The following ILRUN variants were observed in gnomAD, a reference collection of about 807,000 sequenced individuals.
ILRUN encodes the protein protein ILRUN.
ILRUN carries 3 observed loss-of-function variants against 33.8 expected under a neutral mutation model. The ratio of observed to expected loss-of-function variants is 0.09; its 90% confidence interval spans 0.04 to 0.23. ILRUN has a LOEUF of 0.23. Among genes scored for constraint, ILRUN ranks in the 10% least tolerant of loss-of-function variants. The pLI, the probability that ILRUN is intolerant of heterozygous loss-of-function variation, is 1.00. For synonymous variants in ILRUN, 124 were observed against 138.9 expected, an observed-to-expected ratio of 0.89 and a Z score of 0.75; for missense variants, 210 against 375.1, an observed-to-expected ratio of 0.56 and a Z score of 3.64.
chr6:34,645,788 T>C (rs1245490208), intron 3 of ILRUN, among the ~76,000 whole-genome samples: 2 of 152,180 alleles, frequency 1.3e-5, no homozygotes, highest in Non-Finnish European at 2.9e-5. Context: ...TCACCGTGTA[T>C]GGTATACTGG....
intron 3 of ILRUN, among the ~76,000 whole-genome samples, chr6:34,628,214 T>G (rs1016112268): frequency 1.3e-5 from 2 of 151,180 alleles, no homozygotes; most frequent in African/African-American, 4.9e-5. Context: ...AGAGACGAGG[T>G]TTCACCATGT....
chr6:34,588,151 T>G lies in ILRUN; in HGVS notation c.*2414A>C. 4 of 398,894 alleles carry G rather than the reference T, an allele frequency of 1.0e-5. No homozygotes were observed. The highest frequency in any genetic ancestry group is 6.3e-4 in the Middle Eastern group (1 of 1,590). 24.7% of individuals were successfully genotyped at this position (398,894 alleles called of 1,614,324 possible). A position where few individuals can be genotyped will look rare whatever the true frequency, so the allele number is the denominator to read the frequency against. Reference sequence around the variant, plus strand: ...CATGGACCCCTCTGCCTGCACTCCATGACTTGCACTTACTCTGGCCCTCTG... The same window carrying G: ...CATGGACCCCTCTGCCTGCACTCCAGGACTTGCACTTACTCTGGCCCTCTG... On this transcript the variant is annotated 3_prime_UTR_variant, in exon 5 of 5. Transcript: ENST00000374023.
chr6:34,691,947 C>T (rs1763658824), intron 1 of ILRUN, among the ~76,000 whole-genome samples: 1 of 152,114 alleles, frequency 6.6e-6, no homozygotes, highest in Non-Finnish European at 1.5e-5. Flanking sequence ...AAAGCATAAC[C>T]TTTCCAACTC....
chr6:34,679,505 T>C (rs1414105175), intron 1 of ILRUN, among the ~76,000 whole-genome samples: 1 of 152,168 alleles, frequency 6.6e-6, no homozygotes, highest in East Asian at 1.9e-4. Context: ...ACAATCTAGA[T>C]ATCCAACAAA....
chr6:34,592,543 A>G lies in ILRUN; in HGVS notation c.862-1943T>C, dbSNP rs1004608590. On this transcript the variant is annotated intron_variant, in intron 4 of 4. Coordinates refer to ENST00000374023, the MANE Select transcript of ILRUN (RefSeq NM_024294.4). The surrounding 1 kb of genome is among the most constrained non-coding windows in gnomAD (Gnocchi z 4.0). ...GGGGTCCCATACATCAGAGGTATCA[A>G]GTTCACGCAAAAGTAATTGCAGTTT... 3.3e-4 allele frequency among the ~76,000 whole-genome samples: 50 copies of G among 152,370 alleles called. No individual in the cohort carries two copies. Among genetic ancestry groups the G allele is most frequent in the African/African-American group, 9.1e-4 (38 of 41,586 alleles).
rs192104048 is a variant in ILRUN, at chr6:34,612,866, C to A, written c.512-5962G>T. Reference sequence around the variant, plus strand: ...GACCATCCTGGCTAACACGGTGAAACCCCATCTCTACTAAAAATACAAAAA... The same window carrying A: ...GACCATCCTGGCTAACACGGTGAAAACCCATCTCTACTAAAAATACAAAAA... On this transcript the variant is annotated intron_variant, in intron 3 of 4. Coordinates refer to ENST00000374023, the MANE Select transcript of ILRUN (RefSeq NM_024294.4). 5.6e-3 allele frequency among the ~76,000 whole-genome samples: 859 copies of A among 152,202 alleles called. 4 individuals carry two copies. Among genetic ancestry groups the A allele is most frequent in the Non-Finnish European group, 7.5e-3 (511 of 68,000 alleles).
intron 3 of ILRUN, among the ~76,000 whole-genome samples, chr6:34,614,837 G>A (rs1029367433): frequency 1.3e-5 from 2 of 152,048 alleles, no homozygotes; most frequent in African/African-American, 4.8e-5. Flanking sequence ...TACCTCTGTG[G>A]TATTCTTTCT....
At chr6:34,662,124 CAA>C (rs57423564) in intron 1 of ILRUN, among the ~76,000 whole-genome samples, 28 of 39,986 alleles carry the variant, frequency 7.0e-4, no homozygotes, top group South Asian at 2.5e-3. Flanking sequence ...GACTCCGTCT[CAA>C]AAAAAAAAAA....
intron 1 of ILRUN, among the ~76,000 whole-genome samples, chr6:34,685,149 G>A (rs765192383): frequency 6.6e-6 from 1 of 152,074 alleles, no homozygotes; most frequent in Non-Finnish European, 1.5e-5. Flanking sequence ...GAAAAAAAGA[G>A]ACATTTGGGA....
At position 34,673,163 on chromosome 6, in the gene ILRUN, G is replaced by A. The variant is rs574819733; in HGVS notation, c.159-18384C>T. Reference sequence around the variant, plus strand: ...ATCAAGGTAAGAAAAATTTCAGAATGCAAAAGTTTCAAATTTTATCTCTCT... The same window carrying A: ...ATCAAGGTAAGAAAAATTTCAGAATACAAAAGTTTCAAATTTTATCTCTCT... On this transcript the variant is annotated intron_variant, in intron 1 of 4. Transcript: ENST00000374023. 7.2e-5 allele frequency among the ~76,000 whole-genome samples: 11 copies of A among 152,220 alleles called. No homozygotes were observed. The East Asian group carries it at 2.1e-3, about 29-fold the overall frequency.
intron 3 of ILRUN, among the ~76,000 whole-genome samples, chr6:34,614,545 A>G (rs941921184): frequency 6.7e-5 from 10 of 148,716 alleles, no homozygotes; most frequent in Admixed American, 4.0e-4. Flanking sequence ...TGCTATACAT[A>G]TAAGTGGGAG....
At chr6:34,634,577 AGAG>A (rs1389255347) in intron 3 of ILRUN, among the ~76,000 whole-genome samples, 1 of 152,146 alleles carries the variant, frequency 6.6e-6, no homozygotes, top group Non-Finnish European at 1.5e-5. Flanking sequence ...AGAAAGAAAA[AGAG>A]AAGAGACACA....
At chr6:34,678,718 G>A (rs894152777) in intron 1 of ILRUN, among the ~76,000 whole-genome samples, 1 of 151,286 alleles carries the variant, frequency 6.6e-6, no homozygotes, top group East Asian at 1.9e-4. Flanking sequence ...AGCCGGGTGT[G>A]GTGGCAGGCG....
In ILRUN at chr6:34,696,745, T is replaced by A. The variant is rs995930179; in HGVS notation, c.-142A>T. 3 of 712,392 alleles carry A rather than the reference T, an allele frequency of 4.2e-6. No individual in the cohort carries two copies. The highest frequency in any genetic ancestry group is 3.0e-5 in the Admixed American group (1 of 33,568). The allele number at this position is 712,392 out of a possible 1,614,324, so 44.1% of individuals were successfully genotyped here. On this transcript the variant is annotated 5_prime_UTR_variant, in exon 1 of 5. Transcript: ENST00000374023. ...GAGGTAGGCCCCGGGCCTCTCACAG[T>A]CTCATAGGGGTAAACTCACTCTGCC...
intron 2 of ILRUN, among the ~76,000 whole-genome samples, chr6:34,651,486 C>T (rs540450911): frequency 6.6e-6 from 1 of 152,140 alleles, no homozygotes; most frequent in East Asian, 1.9e-4. Context: ...ACCCAAGTAA[C>T]AGTCTAGTAA....
At chr6:34,640,563 A>G (rs1762453532) in intron 3 of ILRUN, among the ~76,000 whole-genome samples, 1 of 151,966 alleles carries the variant, frequency 6.6e-6, no homozygotes, top group Non-Finnish European at 1.5e-5. Flanking sequence ...TACAAAAATT[A>G]GCCGGGTGTG....
chr6:34,676,513 T>G (rs80341154), intron 1 of ILRUN, among the ~76,000 whole-genome samples: 17 of 141,054 alleles, frequency 1.2e-4, no homozygotes, highest in African/African-American at 4.6e-4. Context: ...GAGAGAGAGA[T>G]TTTTTTAAAG....
chr6:34,623,206 T>C (rs1364528871), intron 3 of ILRUN, among the ~76,000 whole-genome samples: 1 of 152,210 alleles, frequency 6.6e-6, no homozygotes, highest in Non-Finnish European at 1.5e-5. Flanking sequence ...ACTGTACACT[T>C]AAAAATGGTT....
intron 1 of ILRUN, among the ~76,000 whole-genome samples, chr6:34,659,912 C>T (rs9461997): frequency 0.17 from 25,484 of 151,746 alleles, 2,932 homozygotes; most frequent in African/African-American, 0.32. Context: ...TGACCCACCA[C>T]GCCCGGCCCA....
Sources: allele counts gnomAD v4.1 joint callset (sites outside exome capture counted in the v4.1 genomes callset), GRCh38; gene constraint gnomAD v4.1.1; non-coding constraint Gnocchi (gnomAD v3.1); transcripts MANE v1.5; gene names NCBI Gene and HGNC (gene_info 2026-07-23, HGNC 2026-07-21).